The following FARP2 variants were observed in gnomAD, a reference collection of about 807,000 sequenced individuals.
FARP2 encodes the protein FERM, ARH/RhoGEF and pleckstrin domain protein 2.
A neutral mutation model predicts 130.5 loss-of-function variants in FARP2; 111 were observed. That is an observed-to-expected ratio of 0.85 (90% CI 0.73 to 1.00). The LOEUF (loss-of-function observed/expected upper bound fraction) is 1.00. Among genes scored for constraint, FARP2 ranks in the 50% least tolerant of loss-of-function variants. The pLI is 0.00. For synonymous variants in FARP2, 504 were observed against 516.9 expected (o/e 0.98, Z 0.34); for missense variants, 1,385 against 1,346.3 (o/e 1.03, Z -0.45).
At chr2:241,466,812 CT>C (rs1416125359) in intron 17 of FARP2, among the ~76,000 whole-genome samples, 6 of 152,064 alleles carry the variant, frequency 3.9e-5, no homozygotes, top group Non-Finnish European at 8.8e-5. Flanking sequence ...TTTTTAACCC[CT>C]AAATATGTAA....
chr2:241,389,522 A>G (rs1014123508), intron 2 of FARP2, among the ~76,000 whole-genome samples: 8 of 152,202 alleles, frequency 5.3e-5, no homozygotes, highest in African/African-American at 1.7e-4. Context: ...TGCCCAGTCT[A>G]TGGTGTATTT....
intron 9 of FARP2, chr2:241,432,155 T>C (rs1175204491): frequency 6.5e-6 from 1 of 153,450 alleles, no homozygotes; most frequent in African/African-American, 2.4e-5. Context: ...ATTTTGACCA[T>C]TTTTTAACTC....
chr2:241,384,306 A>G (rs190388556), intron 2 of FARP2, among the ~76,000 whole-genome samples: 4 of 152,292 alleles, frequency 2.6e-5, no homozygotes, highest in African/African-American at 9.6e-5. Context: ...CTTTACATGT[A>G]CAGTTTTGCA....
intron 5 of FARP2, 43 bp downstream of exon 5, chr2:241,407,658 T>C: frequency 7.0e-7 from 1 of 1,421,682 alleles, no homozygotes; most frequent in Non-Finnish European, 9.9e-7. Flanking sequence ...GCAGGAATCT[T>C]GTATTCACCT....
At chr2:241,376,965 TTAAA>T in intron 2 of FARP2, among the ~76,000 whole-genome samples, 1 of 152,364 alleles carries the variant, frequency 6.6e-6, no homozygotes, top group Admixed American at 6.5e-5. Context: ...AGTAAACGTG[TTAAA>T]TGAATGAAAT....
At chr2:241,434,099 A>T in intron 9 of FARP2, 59 bp from the exon 10 acceptor site, 1 of 1,312,772 alleles carries the variant, frequency 7.6e-7, no homozygotes, top group Non-Finnish European at 1.1e-6. Flanking sequence ...TCCTAAATGT[A>T]CTTTCTCTTG....
chr2:241,422,011 G>A (rs2150379147), intron 8 of FARP2, among the ~76,000 whole-genome samples: 1 of 152,026 alleles, frequency 6.6e-6, no homozygotes, highest in East Asian at 1.9e-4. Context: ...GGGTGTAGTG[G>A]TGGGCACCTG....
chr2:241,417,471 C>T (rs991933073), intron 7 of FARP2, among the ~76,000 whole-genome samples: 8 of 152,198 alleles, frequency 5.3e-5, no homozygotes, highest in Admixed American at 2.6e-4. Context: ...CTGCAACCTC[C>T]GCCACCACGC....
At chr2:241,441,791 T>C (rs1228985719) in intron 13 of FARP2, 1 of 623,828 alleles carries the variant, frequency 1.6e-6, no homozygotes, top group Non-Finnish European at 2.9e-6. Context: ...AATGCCCAGC[T>C]GCAGGTATCT....
chr2:241,363,584 C>T (rs1345954701), intron 1 of FARP2, among the ~76,000 whole-genome samples: 1 of 152,226 alleles, frequency 6.6e-6, no homozygotes, highest in Admixed American at 6.5e-5. Context: ...TGATGTGAGC[C>T]AGAACAGGTT....
chr2:241,382,927 ATAACT>A lies in FARP2; in HGVS notation c.183+9641_183+9645del, dbSNP rs536603426. ...TCTACATCATATTTGAAGTTTAAAA[ATAACT>A]TAAGAGTTGGGAAGATACTGAATAC... On this transcript the variant is annotated intron_variant, in intron 2 of 26. Transcript: ENST00000264042. 4.7e-4 allele frequency among the ~76,000 whole-genome samples: 71 copies of A among 152,362 alleles called. No individual in the cohort carries two copies. The East Asian group carries it at 7.3e-3, about 16-fold the overall frequency.
intron 2 of FARP2, among the ~76,000 whole-genome samples, chr2:241,392,620 T>A (rs1236858339): frequency 6.6e-6 from 1 of 152,174 alleles, no homozygotes; most frequent in Non-Finnish European, 1.5e-5. Flanking sequence ...TTTGTCCCTC[T>A]ATGATACAGA....
At chr2:241,397,467 G>A (rs1468407660) in intron 2 of FARP2, among the ~76,000 whole-genome samples, 1 of 152,114 alleles carries the variant, frequency 6.6e-6, no homozygotes, top group Non-Finnish European at 1.5e-5. Context: ...TATGTTAAGT[G>A]ATCAAACTTC....
intron 23 of FARP2, 41 bp downstream of exon 23, chr2:241,491,220 C>T (rs1574918549): frequency 1.4e-6 from 2 of 1,396,020 alleles, no homozygotes; most frequent in Non-Finnish European, 2.0e-6. Context: ...CTCCACTACA[C>T]CTAAGGAGGC....
At chr2:241,480,110 A>T (rs912935404) in intron 19 of FARP2, among the ~76,000 whole-genome samples, 1 of 152,196 alleles carries the variant, frequency 6.6e-6, no homozygotes, top group African/African-American at 2.4e-5. Context: ...GGTGCAGGGC[A>T]TGCTCCAAGC....
rs2064890130 is a variant in FARP2, at chr2:241,491,178, C to CA, written c.2623dup (p.Arg875LysfsTer15). The CA allele has an allele frequency of 6.2e-7, 1 of 1,604,408 alleles. No individual in the cohort carries two copies. Among genetic ancestry groups the CA allele is most frequent in the African/African-American group, 1.3e-5 (1 of 74,760 alleles). ...GCCGCACTGTGTGCACTCGTCCCCC[C>CA]AGTGAGTGCTGGCCACAACCCCCCA... On this transcript the variant is annotated frameshift_variant and splice_region_variant, in exon 23 of 27. Coordinates refer to ENST00000264042, the MANE Select transcript of FARP2 (RefSeq NM_014808.4). LOFTEE classifies it high-confidence loss of function.
chr2:241,462,372 G>A (rs2064043020), intron 14 of FARP2, 151 bp from the exon 15 acceptor site: 2 of 547,924 alleles, frequency 3.7e-6, no homozygotes, highest in Non-Finnish European at 6.6e-6. Flanking sequence ...TTTTTACTCA[G>A]GGATAAATCT....
chr2:241,359,568 A>G (rs545869493), intron 1 of FARP2, among the ~76,000 whole-genome samples: 1 of 152,306 alleles, frequency 6.6e-6, no homozygotes, highest in South Asian at 2.1e-4. Flanking sequence ...CTGTGCACAC[A>G]CTATGTCCTT....
chr2:241,434,318 A>T lies in FARP2; in HGVS notation c.1028A>T (p.Tyr343Phe). Residue 343 changes from tyrosine to phenylalanine, a missense_variant, in exon 10 of 27, where the codon TAC (tyrosine) becomes TTC (phenylalanine). By Grantham distance (22) the Tyr-to-Phe change is conservative. Transcript: ENST00000264042. ...VFFSRGSSFR[Y>F]SGRTQKQLVD... ...TTCAGCCGGGGCTCCTCCTTCAGAT[A>T]CAGGTAGGGGCCATGCCGTGGCTTG... 6.2e-7 allele frequency: 1 copy of T among 1,610,638 alleles called. No individual in the cohort carries two copies. Among genetic ancestry groups the T allele is most frequent in the African/African-American group, 1.3e-5 (1 of 74,772 alleles).
Sources: allele counts gnomAD v4.1 joint callset (sites outside exome capture counted in the v4.1 genomes callset), GRCh38; gene constraint gnomAD v4.1.1; transcripts MANE v1.5; gene names NCBI Gene and HGNC (gene_info 2026-07-23, HGNC 2026-07-21).